TMEM163: variants seen among roughly 807,000 people sequenced by gnomAD.
TMEM163 encodes transmembrane protein 163.
TMEM163 carries 17 observed loss-of-function variants against 29.3 expected under a neutral mutation model. The ratio of observed to expected loss-of-function variants is 0.58; its 90% CI spans 0.40 to 0.87. The LOEUF (loss-of-function observed/expected upper bound fraction) is 0.87, where lower values mean the gene tolerates loss of function less well. Among genes scored for constraint, TMEM163 ranks in the 40% least tolerant of loss-of-function variants. The pLI is 0.00. For missense variants in TMEM163, 303 were observed against 381.5 expected, an observed-to-expected ratio of 0.79 and a Z score of 1.71; for synonymous variants, 157 against 160.6, an observed-to-expected ratio of 0.98 and a Z score of 0.17.
intron 2 of TMEM163, among the ~76,000 whole-genome samples, chr2:134,689,425 A>G (rs989938821): frequency 6.6e-6 from 1 of 152,124 alleles, no homozygotes; most frequent in Non-Finnish European, 1.5e-5. Flanking sequence ...TTAATTACAC[A>G]TGAGAGTCAC....
chr2:134,525,364 C>A (rs1044798630), intron 4 of TMEM163, among the ~76,000 whole-genome samples: 3 of 152,142 alleles, frequency 2.0e-5, no homozygotes, highest in Non-Finnish European at 2.9e-5. Flanking sequence ...TGAGCAGCAC[C>A]GCGTTAAATG....
At chr2:134,687,304 G>T (rs1684369756) in intron 2 of TMEM163, among the ~76,000 whole-genome samples, 1 of 152,186 alleles carries the variant, frequency 6.6e-6, no homozygotes, top group South Asian at 2.1e-4. Context: ...GGGAAGAGTT[G>T]CTTCTCGGGT....
At chr2:134,510,837 A>C (rs1679930417) in intron 4 of TMEM163, among the ~76,000 whole-genome samples, 1 of 152,144 alleles carries the variant, frequency 6.6e-6, no homozygotes, top group Non-Finnish European at 1.5e-5. Context: ...TGGGGCTTCC[A>C]GGTTTCACAT....
At chr2:134,656,149 C>T (rs1027374237) in intron 2 of TMEM163, among the ~76,000 whole-genome samples, 2 of 144,600 alleles carry the variant, frequency 1.4e-5, no homozygotes, top group Admixed American at 1.4e-4. Flanking sequence ...CCCCCAGCCT[C>T]GCTGCCGCCT....
chr2:134,480,306 G>A (rs1687020536), intron 5 of TMEM163, among the ~76,000 whole-genome samples: 1 of 152,106 alleles, frequency 6.6e-6, no homozygotes, highest in African/African-American at 2.4e-5. Flanking sequence ...TCTCTGCCTG[G>A]AGGTTCCACA....
At chr2:134,469,624 G>A (rs1456770865) in intron 5 of TMEM163, 2 of 119,740 alleles carry the variant, frequency 1.7e-5, no homozygotes, top group East Asian at 5.7e-4. Flanking sequence ...AGCTCAGCCA[G>A]GCACATTCTG....
At chr2:134,505,520 A>T (rs1679804233) in intron 4 of TMEM163, among the ~76,000 whole-genome samples, 1 of 152,072 alleles carries the variant, frequency 6.6e-6, no homozygotes, top group Non-Finnish European at 1.5e-5. Context: ...GGGACCTAAT[A>T]GGCCTTGTAG....
rs1553471212 is a variant in TMEM163, at chr2:134,460,080, C to CT, written c.668-1908_668-1907insA. Among the ~76,000 whole-genome samples, 1 of 140,706 alleles carries CT rather than the reference C, an allele frequency of 7.1e-6. No individual in the cohort carries two copies. 92.3% of individuals were successfully genotyped at this position (140,706 alleles called of 152,430 possible). A position where few individuals can be genotyped will look rare whatever the true frequency, so the allele number is the denominator to read the frequency against. On this transcript the variant is annotated intron_variant, in intron 6 of 7. Transcript: ENST00000281924. This position sits in a 1 kb window ranked among gnomAD's most constrained non-coding sequence, Gnocchi z 4.3. Reference sequence around the variant, plus strand: ...CGAGCCCCTTGCCAGATGTTACCCCCCCCCAAATTCATTCTCACTCTCCCC... The same window carrying CT: ...CGAGCCCCTTGCCAGATGTTACCCCCTCCCCAAATTCATTCTCACTCTCCCC...
chr2:134,709,028 G>C (rs956593723), intron 2 of TMEM163, among the ~76,000 whole-genome samples: 7 of 152,184 alleles, frequency 4.6e-5, no homozygotes, highest in Non-Finnish European at 8.8e-5. Context: ...CATGTATTGA[G>C]TGCCTAAAAA....
chr2:134,530,875 G>A (rs974788121), intron 4 of TMEM163, among the ~76,000 whole-genome samples: 3 of 152,048 alleles, frequency 2.0e-5, no homozygotes, highest in Admixed American at 6.5e-5. Flanking sequence ...ACAGACAAGC[G>A]CACGCACACA....
intron 2 of TMEM163, among the ~76,000 whole-genome samples, chr2:134,555,633 G>A (rs1423801372): frequency 1.3e-5 from 2 of 152,242 alleles, no homozygotes; most frequent in East Asian, 3.8e-4. Flanking sequence ...GGTCAGAGTA[G>A]AAACACATTG....
Position 134,705,929 on chromosome 2 carries a change from G to A in TMEM163, c.322+7271C>T, listed in dbSNP as rs60572506. On this transcript the variant is annotated intron_variant, in intron 2 of 7. Coordinates refer to ENST00000281924, the MANE Select transcript of TMEM163 (RefSeq NM_030923.5). ...GAGATGAGCCCACCTGGGGCTCGCC[G>A]CCCAGCTACCCTGTGTCACCGCCAC... Among the ~76,000 whole-genome samples, 594 of 152,294 alleles carry A rather than the reference G, an allele frequency of 3.9e-3. 1 individual carries two copies. The highest frequency in any genetic ancestry group is 0.013 in the African/African-American group (554 of 41,568).
At chr2:134,566,502 G>A (rs964598880) in intron 2 of TMEM163, among the ~76,000 whole-genome samples, 6 of 152,140 alleles carry the variant, frequency 3.9e-5, no homozygotes, top group East Asian at 1.9e-4. Context: ...GGTGGAGCTT[G>A]CAGTAAGCCA....
chr2:134,499,182 A>ATAC, intron 5 of TMEM163, among the ~76,000 whole-genome samples: 1 of 115,272 alleles, frequency 8.7e-6, no homozygotes, highest in South Asian at 3.4e-4. Context: ...TTAAAAAAAT[A>ATAC]TAATAACTAA....
chr2:134,598,606 C>T (rs1356646785), intron 2 of TMEM163, among the ~76,000 whole-genome samples: 1 of 152,052 alleles, frequency 6.6e-6, no homozygotes, highest in African/African-American at 2.4e-5. Context: ...AACTGATAAA[C>T]AAGAGGGCAA....
chr2:134,718,455 G>A (rs867136718), intron 1 of TMEM163, among the ~76,000 whole-genome samples: 1 of 152,252 alleles, frequency 6.6e-6, no homozygotes, highest in African/African-American at 2.4e-5. Flanking sequence ...GCGCCGGAGG[G>A]CCTGGAGCTG....
intron 2 of TMEM163, among the ~76,000 whole-genome samples, chr2:134,575,685 C>A (rs921541627): frequency 2.0e-5 from 3 of 152,146 alleles, no homozygotes; most frequent in Admixed American, 6.5e-5. Context: ...CCTACCAAAC[C>A]GGACCATAAG....
At chr2:134,508,044 T>C (rs1241587540) in intron 4 of TMEM163, among the ~76,000 whole-genome samples, 7 of 152,246 alleles carry the variant, frequency 4.6e-5, no homozygotes, top group Admixed American at 3.3e-4. Flanking sequence ...CATCAGTTTT[T>C]GATTCTGAAG....
chr2:134,461,481 T>C (rs891461126), intron 6 of TMEM163, among the ~76,000 whole-genome samples: 4 of 152,148 alleles, frequency 2.6e-5, no homozygotes, highest in African/African-American at 9.7e-5. Context: ...CCCAGTGCTC[T>C]CTCATGCTCT....
Sources: allele counts gnomAD v4.1 joint callset (sites outside exome capture counted in the v4.1 genomes callset), GRCh38; gene constraint gnomAD v4.1.1; non-coding constraint Gnocchi (gnomAD v3.1); transcripts MANE v1.5; gene names NCBI Gene and HGNC (gene_info 2026-07-23, HGNC 2026-07-21).